Variants in TAFA2 observed in about 807,000 individuals in gnomAD.
The protein encoded by TAFA2 is TAFA chemokine like family member 2.
TAFA2 carries 7 observed loss-of-function variants against 18.8 expected under a neutral mutation model. That is an observed-to-expected ratio of 0.37 (90% CI 0.21 to 0.70). TAFA2 has a LOEUF of 0.70. Ranked by LOEUF, TAFA2 falls within the 30% of genes least tolerant of loss-of-function variation. The pLI is 0.53. For missense variants in TAFA2, 122 were observed against 158.1 expected (o/e 0.77, Z 1.23); for synonymous variants, 60 against 54.2 (o/e 1.11, Z -0.47).
At position 62,015,392 on chromosome 12, in the gene TAFA2, C is replaced by T. The variant is rs186687856; in HGVS notation, c.-1-147966G>A. Reference sequence around the variant, plus strand: ...TGCTTATAATCTTTGATTTATATCACCACACTCATTTTTAGAGATAGTGTC... The same window carrying T: ...TGCTTATAATCTTTGATTTATATCATCACACTCATTTTTAGAGATAGTGTC... On this transcript the variant is annotated intron_variant, in intron 1 of 4. Coordinates refer to ENST00000416284, the MANE Select transcript of TAFA2 (RefSeq NM_178539.5). Among the ~76,000 whole-genome samples, 378 of 152,178 alleles carry T rather than the reference C, an allele frequency of 2.5e-3. 1 individual carries two copies. Among genetic ancestry groups the T allele is most frequent in the African/African-American group, 8.2e-3 (342 of 41,520 alleles).
chr12:62,080,036 A>G (rs989783994), intron 1 of TAFA2, among the ~76,000 whole-genome samples: 3 of 152,202 alleles, frequency 2.0e-5, no homozygotes, highest in African/African-American at 7.2e-5. Flanking sequence ...TCCGGAGCTC[A>G]AGTGCTCTTC....
intron 2 of TAFA2, among the ~76,000 whole-genome samples, chr12:61,807,839 T>C (rs1264423387): frequency 6.6e-6 from 1 of 151,510 alleles, no homozygotes. Flanking sequence ...GGCCAATTTC[T>C]CACATTTGGA....
rs561171838 is a variant in TAFA2, at chr12:61,805,311, A to C, written c.107-50287T>G. On this transcript the variant is annotated intron_variant, in intron 2 of 4. Transcript: ENST00000416284. ...CTTCTACAAACTGGTACCTGATAGC[A>C]ATTAAGACCTGTGCCACACACCAGT... Among the ~76,000 whole-genome samples, 7 of 152,208 alleles carry C rather than the reference A, an allele frequency of 4.6e-5. No individual in the cohort carries two copies. In the South Asian group the frequency reaches 1.4e-3, roughly 32 times the overall value.
chr12:62,244,753 A>T (rs1480657947), intron 1 of TAFA2, among the ~76,000 whole-genome samples: 1 of 152,114 alleles, frequency 6.6e-6, no homozygotes, highest in Non-Finnish European at 1.5e-5. Flanking sequence ...TCAAACTTTT[A>T]AAAAATTTGC....
chr12:62,019,248 A>C (rs1344706499), intron 1 of TAFA2, among the ~76,000 whole-genome samples: 1 of 152,128 alleles, frequency 6.6e-6, no homozygotes, highest in Non-Finnish European at 1.5e-5. Flanking sequence ...TAGTTCAGCC[A>C]TTGTGGAAGT....
At chr12:62,231,992 G>A (rs904879120) in intron 1 of TAFA2, among the ~76,000 whole-genome samples, 21 of 152,118 alleles carry the variant, frequency 1.4e-4, no homozygotes, top group African/African-American at 5.1e-4. Flanking sequence ...GATCTTAGGG[G>A]TAAATAAGTA....
At chr12:62,055,033 T>C (rs868565679) in intron 1 of TAFA2, among the ~76,000 whole-genome samples, 1 of 152,142 alleles carries the variant, frequency 6.6e-6, no homozygotes, top group African/African-American at 2.4e-5. Flanking sequence ...TGTGATAGTA[T>C]TAGGAGGTGA....
chr12:61,793,065 A>C (rs1167588829), intron 2 of TAFA2, among the ~76,000 whole-genome samples: 2 of 151,694 alleles, frequency 1.3e-5, no homozygotes, highest in Non-Finnish European at 3.0e-5. Context: ...CTTGTTTTTA[A>C]CTAAATTTTT....
chr12:61,975,084 A>G (rs1254837041), intron 1 of TAFA2, among the ~76,000 whole-genome samples: 1 of 151,758 alleles, frequency 6.6e-6, no homozygotes, highest in Non-Finnish European at 1.5e-5. Context: ...ACACATATGC[A>G]TAGTGAAATG....
intron 1 of TAFA2, among the ~76,000 whole-genome samples, chr12:61,895,716 T>C (rs1056713466): frequency 4.6e-5 from 7 of 152,188 alleles, no homozygotes; most frequent in African/African-American, 1.7e-4. Context: ...GCTGGAAATA[T>C]GTCATTCTCA....
chr12:62,186,424 G>A (rs141876386), intron 1 of TAFA2, among the ~76,000 whole-genome samples: 1 of 152,218 alleles, frequency 6.6e-6, no homozygotes, highest in East Asian at 1.9e-4. Flanking sequence ...TAGTACAGGA[G>A]ACTTGTTCAG....
At chr12:61,777,733 CA>C (rs1422408012) in intron 2 of TAFA2, among the ~76,000 whole-genome samples, 1 of 151,594 alleles carries the variant, frequency 6.6e-6, no homozygotes, top group Non-Finnish European at 1.5e-5. Flanking sequence ...TGAGAAAAAT[CA>C]GAGAAAAATA....
chr12:62,135,232 G>A (rs1353732088), intron 1 of TAFA2, among the ~76,000 whole-genome samples: 1 of 151,892 alleles, frequency 6.6e-6, no homozygotes, highest in Admixed American at 6.6e-5. Flanking sequence ...CTAAATCTGA[G>A]GTTGTCAACA....
intron 1 of TAFA2, among the ~76,000 whole-genome samples, chr12:62,117,674 C>T (rs1191144894): frequency 1.3e-5 from 2 of 151,816 alleles, no homozygotes; most frequent in Admixed American, 6.6e-5. Flanking sequence ...AGAATGAGTC[C>T]TATGTTTCCT....
intron 1 of TAFA2, among the ~76,000 whole-genome samples, chr12:62,256,049 G>A (rs567306057): frequency 5.9e-4 from 90 of 151,596 alleles, no homozygotes; most frequent in Non-Finnish European, 1.1e-3. Flanking sequence ...CGGGCAGATC[G>A]CCAGAGGTCG....
Position 61,769,551 on chromosome 12 carries a change from A to G in TAFA2, c.107-14527T>C, listed in dbSNP as rs561046469. 2.0e-5 allele frequency among the ~76,000 whole-genome samples: 3 copies of G among 152,228 alleles called. No homozygotes were observed. In the East Asian group the frequency reaches 5.8e-4, roughly 30 times the overall value. On this transcript the variant is annotated intron_variant, in intron 2 of 4. Coordinates refer to ENST00000416284, the MANE Select transcript of TAFA2 (RefSeq NM_178539.5). ...TCACAGATGAGAGACCTGAAGACAGATCACATCACAGGACTCTTTGAAGAC... is the reference window on the plus strand; with the variant it reads ...TCACAGATGAGAGACCTGAAGACAGGTCACATCACAGGACTCTTTGAAGAC...
chr12:61,725,080 A>G (rs1444489429), intron 4 of TAFA2, among the ~76,000 whole-genome samples: 1 of 151,406 alleles, frequency 6.6e-6, no homozygotes, highest in East Asian at 1.9e-4. Context: ...TTTGTTGGCA[A>G]TTTGTATATC....
At chr12:62,189,421 T>A (rs1409203312) in intron 1 of TAFA2, among the ~76,000 whole-genome samples, 2 of 152,100 alleles carry the variant, frequency 1.3e-5, no homozygotes, top group African/African-American at 4.8e-5. Flanking sequence ...GCTTTAAAAA[T>A]TAAGATTCTA....
At chr12:62,123,009 T>C (rs1206677287) in intron 1 of TAFA2, among the ~76,000 whole-genome samples, 1 of 152,172 alleles carries the variant, frequency 6.6e-6, no homozygotes, top group African/African-American at 2.4e-5. Context: ...TTTTCTAGGC[T>C]CTTCCAGCTA....
Sources: gnomAD v4.1 joint callset for allele counts (sites outside exome capture counted in the v4.1 genomes callset) on GRCh38, gnomAD v4.1.1 for gene constraint, MANE v1.5 for transcripts, NCBI Gene and HGNC (gene_info 2026-07-23, HGNC 2026-07-21) for gene names.